Variants in VEPH1 observed in about 807,000 individuals in gnomAD.
VEPH1 encodes ventricular zone-expressed PH domain-containing protein homolog 1.
VEPH1 carries 80 observed loss-of-function variants against 85.2 expected under a neutral mutation model. That is an observed-to-expected ratio of 0.94 (90% confidence interval 0.78 to 1.13). The LOEUF (loss-of-function observed/expected upper bound fraction) is 1.13. Ranked by LOEUF, VEPH1 falls within the 50% of genes most tolerant of loss-of-function variation. VEPH1 has a pLI of 0.00. For synonymous variants in VEPH1, 297 were observed against 348.0 expected, an observed-to-expected ratio of 0.85 and a Z score of 1.63; for missense variants, 955 against 980.5, an observed-to-expected ratio of 0.97 and a Z score of 0.35.
At position 157,370,124 on chromosome 3, in the gene VEPH1, C is replaced by A. The variant is rs528144436; in HGVS notation, c.1128-5612G>T. Among the ~76,000 whole-genome samples the A allele has an allele frequency of 2.6e-5, 4 of 152,294 alleles. No individual in the cohort carries two copies. The South Asian group carries it at 8.3e-4, about 32-fold the overall frequency. On this transcript the variant is annotated intron_variant, in intron 7 of 13. Coordinates refer to ENST00000362010, the MANE Select transcript of VEPH1 (RefSeq NM_001167912.2). ...TCTGAACAGTTTCTGGTCTCTGTTG[C>A]CAAAGCAAAGTTTTTAAAAGTACAT...
chr3:157,319,021 G>A (rs1721091239), intron 9 of VEPH1, among the ~76,000 whole-genome samples: 1 of 152,162 alleles, frequency 6.6e-6, no homozygotes, highest in African/African-American at 2.4e-5. Flanking sequence ...CAGAGGTCAG[G>A]TATGAAGGAA....
intron 11 of VEPH1, among the ~76,000 whole-genome samples, chr3:157,312,603 T>C (rs1045989063): frequency 6.6e-6 from 1 of 152,208 alleles, no homozygotes; most frequent in African/African-American, 2.4e-5. Flanking sequence ...AGTGATATTA[T>C]CATCCAGTTA....
chr3:157,431,228 A>G (rs1390045828), intron 4 of VEPH1, among the ~76,000 whole-genome samples: 1 of 152,146 alleles, frequency 6.6e-6, no homozygotes, highest in Non-Finnish European at 1.5e-5. Flanking sequence ...GCTTTCCGCC[A>G]GGATTGTAAG....
chr3:157,369,193 A>AC lies in VEPH1; in HGVS notation c.1128-4682_1128-4681insG, dbSNP rs1417067119. ...CAAAAACCAAATGAAAAAAAAAAAAAAAAAAAAAAAACCTCCTGAGGTCTA... is the reference window on the plus strand; with the variant it reads ...CAAAAACCAAATGAAAAAAAAAAAAACAAAAAAAAAAACCTCCTGAGGTCTA... On this transcript the variant is annotated intron_variant, in intron 7 of 13. Transcript: ENST00000362010. Among the ~76,000 whole-genome samples, 31 of 140,626 alleles carry AC rather than the reference A, an allele frequency of 2.2e-4. 1 individual carries two copies. The highest frequency in any genetic ancestry group is 2.2e-3 in the East Asian group (10 of 4,554). The allele number at this position is 140,626 out of a possible 152,430, so 92.3% of individuals were successfully genotyped here. A position where few individuals can be genotyped will look rare whatever the true frequency, so the allele number is the denominator to read the frequency against.
chr3:157,346,158 C>T (rs1256192764), intron 9 of VEPH1, among the ~76,000 whole-genome samples: 1 of 151,826 alleles, frequency 6.6e-6, no homozygotes, highest in Non-Finnish European at 1.5e-5. Context: ...ACACATGTAC[C>T]CTAGAACTTA....
At chr3:157,485,098 C>T (rs896022104) in intron 2 of VEPH1, among the ~76,000 whole-genome samples, 5 of 152,140 alleles carry the variant, frequency 3.3e-5, no homozygotes, top group African/African-American at 1.2e-4. Flanking sequence ...TGCTGTCATT[C>T]CCCCAATGAT....
intron 4 of VEPH1, chr3:157,436,864 C>G (rs1195663491): frequency 1.3e-6 from 2 of 1,546,140 alleles, no homozygotes; most frequent in Non-Finnish European, 1.8e-6. Flanking sequence ...TCACTCTCCT[C>G]CGCTCAAACT....
chr3:157,434,845 T>C (rs1560058116), intron 4 of VEPH1, among the ~76,000 whole-genome samples: 1 of 152,204 alleles, frequency 6.6e-6, no homozygotes, highest in Non-Finnish European at 1.5e-5. Context: ...CATTTGGTAG[T>C]TGTCCTTAAA....
At chr3:157,287,972 AT>A (rs1716998766) in intron 11 of VEPH1, among the ~76,000 whole-genome samples, 1 of 152,218 alleles carries the variant, frequency 6.6e-6, no homozygotes, top group African/African-American at 2.4e-5. Flanking sequence ...AAGACTGCAC[AT>A]GTTTTATGTG....
chr3:157,306,697 T>C, intron 11 of VEPH1, among the ~76,000 whole-genome samples: 1 of 152,092 alleles, frequency 6.6e-6, no homozygotes, highest in East Asian at 1.9e-4. Flanking sequence ...CATGAAATTA[T>C]AATATAACCA....
At chr3:157,317,291 A>C in intron 9 of VEPH1, 90 bp from the exon 10 acceptor site, 3 of 1,260,566 alleles carry the variant, frequency 2.4e-6, no homozygotes, top group Non-Finnish European at 1.0e-6. Context: ...GCCTTTATAA[A>C]ATATCCTTCA....
At chr3:157,427,174 A>G (rs1414761730) in intron 5 of VEPH1, among the ~76,000 whole-genome samples, 1 of 151,762 alleles carries the variant, frequency 6.6e-6, no homozygotes, top group Admixed American at 6.6e-5. Context: ...TTTTAGTAGA[A>G]ACAGGGTTTC....
intron 10 of VEPH1, among the ~76,000 whole-genome samples, chr3:157,315,100 T>C (rs1056826643): frequency 1.3e-5 from 2 of 152,088 alleles, no homozygotes; most frequent in African/African-American, 4.8e-5. Flanking sequence ...GAGATTGGCT[T>C]ATGAAATCAT....
At chr3:157,372,428 T>C (rs1227844004) in intron 7 of VEPH1, among the ~76,000 whole-genome samples, 2 of 152,240 alleles carry the variant, frequency 1.3e-5, no homozygotes, top group Admixed American at 1.3e-4. Context: ...GCCTTCAGGC[T>C]GCCAACTAAT....
At chr3:157,281,829 C>T (rs1471224093) in intron 12 of VEPH1, among the ~76,000 whole-genome samples, 1 of 152,216 alleles carries the variant, frequency 6.6e-6, no homozygotes, top group East Asian at 1.9e-4. Context: ...AGCCACTACG[C>T]CCGGCCAAAA....
At chr3:157,396,021 C>A (rs1227794694) in intron 6 of VEPH1, among the ~76,000 whole-genome samples, 2 of 152,126 alleles carry the variant, frequency 1.3e-5, no homozygotes, top group African/African-American at 4.8e-5. Flanking sequence ...CTGGCTGCAC[C>A]TATCAACCCA....
chr3:157,469,873 T>A (rs1736758372), intron 3 of VEPH1, among the ~76,000 whole-genome samples: 1 of 152,166 alleles, frequency 6.6e-6, no homozygotes, highest in Admixed American at 6.5e-5. Context: ...AAATTCTCAA[T>A]ACATATAGAA....
chr3:157,349,535 T>C (rs1724612485), intron 9 of VEPH1, among the ~76,000 whole-genome samples: 1 of 145,932 alleles, frequency 6.9e-6, no homozygotes, highest in Non-Finnish European at 1.5e-5. Context: ...TTAGAGCAAA[T>C]GGGTAAGAGA....
intron 3 of VEPH1, among the ~76,000 whole-genome samples, chr3:157,469,687 A>G (rs1417960868): frequency 6.6e-6 from 1 of 152,226 alleles, no homozygotes; most frequent in African/African-American, 2.4e-5. Flanking sequence ...TTTGTCATAG[A>G]CAATGTCATT....
Sources: gnomAD v4.1 joint callset for allele counts (sites outside exome capture counted in the v4.1 genomes callset) on GRCh38, gnomAD v4.1.1 for gene constraint, MANE v1.5 for transcripts, NCBI Gene and HGNC (gene_info 2026-07-23, HGNC 2026-07-21) for gene names.